Variants in KLHL1 observed in about 807,000 individuals in gnomAD.
The protein encoded by KLHL1 is kelch-like protein 1.
Under a neutral mutation model 77.7 loss-of-function variants are expected in KLHL1, and 47 were observed. The observed-to-expected ratio is 0.60, with a 90% CI of 0.48 to 0.77. The LOEUF (loss-of-function observed/expected upper bound fraction) is 0.77. Among genes scored for constraint, KLHL1 ranks in the 30% least tolerant of loss-of-function variants. The pLI is 0.00. For synonymous variants in KLHL1, 360 were observed against 325.2 expected (o/e 1.11, Z -1.15); for missense variants, 925 against 910.8 (o/e 1.02, Z -0.20).
chr13:70,082,869 A>G (rs553912552), intron 1 of KLHL1, among the ~76,000 whole-genome samples: 1 of 152,208 alleles, frequency 6.6e-6, no homozygotes, highest in African/African-American at 2.4e-5. Context: ...AAATTAGCAT[A>G]GAAACAGAAA....
At chr13:69,815,979 T>C (rs1356310698) in intron 6 of KLHL1, among the ~76,000 whole-genome samples, 1 of 151,818 alleles carries the variant, frequency 6.6e-6, no homozygotes, top group Non-Finnish European at 1.5e-5. Flanking sequence ...TGTTGGTATA[T>C]AAAACATATT....
chr13:69,708,342 A>G (rs1478017810), intron 9 of KLHL1, among the ~76,000 whole-genome samples: 1 of 151,966 alleles, frequency 6.6e-6, no homozygotes, highest in Non-Finnish European at 1.5e-5. Context: ...CGCTTTGAGG[A>G]AACAGTTAAG....
chr13:69,971,383 C>T (rs1306154341), intron 2 of KLHL1, among the ~76,000 whole-genome samples: 1 of 152,002 alleles, frequency 6.6e-6, no homozygotes, highest in Admixed American at 6.6e-5. Context: ...ATTAAACATA[C>T]TGTTTCAAGT....
chr13:69,861,255 A>G (rs1170197098), intron 5 of KLHL1, among the ~76,000 whole-genome samples: 1 of 152,102 alleles, frequency 6.6e-6, no homozygotes, highest in African/African-American at 2.4e-5. Flanking sequence ...ATCTGCTGAA[A>G]AAGTCTGTTT....
chr13:70,023,606 C>T (rs538604252), intron 1 of KLHL1, among the ~76,000 whole-genome samples: 4 of 151,942 alleles, frequency 2.6e-5, no homozygotes, highest in Non-Finnish European at 5.9e-5. Context: ...TCTGTTTGGA[C>T]GCCTTTAAAA....
chr13:69,776,964 A>T (rs182822072), intron 7 of KLHL1, among the ~76,000 whole-genome samples: 20 of 150,816 alleles, frequency 1.3e-4, no homozygotes, highest in African/African-American at 4.6e-4. Context: ...TAGTTTGGCT[A>T]TGTCCCCACC....
chr13:70,060,118 T>C (rs1024403885), intron 1 of KLHL1, among the ~76,000 whole-genome samples: 1 of 152,130 alleles, frequency 6.6e-6, no homozygotes, highest in African/African-American at 2.4e-5. Context: ...AAGATCTGAA[T>C]AGACATTTTA....
chr13:69,790,029 T>TTAAC (rs1199053012), intron 7 of KLHL1, among the ~76,000 whole-genome samples: 2 of 152,120 alleles, frequency 1.3e-5, no homozygotes, highest in Non-Finnish European at 2.9e-5. Flanking sequence ...TGGTCTCTAT[T>TTAAC]TAACTATCAA....
chr13:69,934,962 G>GTGTATATATATATATATATATATA (rs372646811), intron 4 of KLHL1, among the ~76,000 whole-genome samples: 1 of 129,818 alleles, frequency 7.7e-6, no homozygotes, highest in African/African-American at 3.1e-5. Flanking sequence ...GTGTGCATGT[G>GTGTATATATATATATATATATATA]TATATATATA....
chr13:70,098,297 G>A (rs1887841669), intron 1 of KLHL1, among the ~76,000 whole-genome samples: 1 of 151,792 alleles, frequency 6.6e-6, no homozygotes, highest in Non-Finnish European at 1.5e-5. Context: ...AAAGCTATAA[G>A]AGTGTCACAT....
chr13:69,989,689 T>G (rs1344329866), intron 1 of KLHL1, among the ~76,000 whole-genome samples: 1 of 152,056 alleles, frequency 6.6e-6, no homozygotes, highest in Admixed American at 6.6e-5. Flanking sequence ...CCTGGTTAGC[T>G]GTATTTCTAG....
chr13:69,811,145 A>G (rs938566306), intron 6 of KLHL1, among the ~76,000 whole-genome samples: 1 of 152,132 alleles, frequency 6.6e-6, no homozygotes, highest in African/African-American at 2.4e-5. Context: ...TCCTGATAGC[A>G]AAATCTGGTA....
intron 1 of KLHL1, among the ~76,000 whole-genome samples, chr13:69,992,413 A>G (rs1204495497): frequency 1.3e-5 from 2 of 152,018 alleles, no homozygotes; most frequent in Non-Finnish European, 2.9e-5. Context: ...CTCTGAATTA[A>G]GAAAGGAAGC....
intron 1 of KLHL1, among the ~76,000 whole-genome samples, chr13:70,035,286 T>C (rs188514347): frequency 1.0e-3 from 157 of 152,176 alleles, no homozygotes; most frequent in Non-Finnish European, 1.9e-3. Flanking sequence ...TACAACAACA[T>C]GGATGGAACT....
At position 70,058,543 on chromosome 13, in the gene KLHL1, A is replaced by G. The variant is rs1477916593; in HGVS notation, c.497+48660T>C. On this transcript the variant is annotated intron_variant, in intron 1 of 10. Transcript: ENST00000377844. ...GAAGTGGAAGATCTCTATAAAGTAT[A>G]GATCAGACTATTGATTAAAGAAATT... Among the ~76,000 whole-genome samples, 4 of 152,340 alleles carry G rather than the reference A, an allele frequency of 2.6e-5. No homozygotes were observed. In the East Asian group the frequency reaches 7.7e-4, roughly 29 times the overall value.
intron 4 of KLHL1, among the ~76,000 whole-genome samples, chr13:69,919,466 G>A (rs1264924307): frequency 6.6e-6 from 1 of 152,086 alleles, no homozygotes; most frequent in Non-Finnish European, 1.5e-5. Context: ...GCTGATGTAT[G>A]TTTCTTTTTG....
chr13:70,086,660 ATTTT>A (rs1887552165), intron 1 of KLHL1, among the ~76,000 whole-genome samples: 1 of 149,630 alleles, frequency 6.7e-6, no homozygotes, highest in Non-Finnish European at 1.5e-5. Flanking sequence ...AGACTTATTT[ATTTT>A]GTTTTCTAGA....
intron 1 of KLHL1, among the ~76,000 whole-genome samples, chr13:70,095,144 C>T (rs544779747): frequency 5.5e-4 from 84 of 152,214 alleles, no homozygotes; most frequent in African/African-American, 1.7e-3. Flanking sequence ...CATTGATCTA[C>T]CCAGCATAAT....
intron 1 of KLHL1, among the ~76,000 whole-genome samples, chr13:69,982,437 A>AAATAATAAT (rs34183465): frequency 0.011 from 1,435 of 135,724 alleles, 9 homozygotes; most frequent in East Asian, 0.016. Flanking sequence ...CTCCATCTCC[A>AAATAATAAT]AATAATAATA....
Sources: gnomAD v4.1 joint callset for allele counts (sites outside exome capture counted in the v4.1 genomes callset) on GRCh38, gnomAD v4.1.1 for gene constraint, MANE v1.5 for transcripts, NCBI Gene and HGNC (gene_info 2026-07-23, HGNC 2026-07-21) for gene names.